COLEC12: variants seen among roughly 807,000 people sequenced by gnomAD.
The protein encoded by COLEC12 is collectin-12.
COLEC12 carries 33 observed loss-of-function variants against 71.1 expected under a neutral mutation model. The ratio of observed to expected loss-of-function variants is 0.46; its 90% confidence interval spans 0.35 to 0.62. The LOEUF is 0.62. COLEC12 is among the 20% of genes least tolerant of loss of function. The pLI, the probability that COLEC12 is intolerant of heterozygous loss-of-function variation, is 0.00. For missense variants in COLEC12, 765 were observed against 916.1 expected, an observed-to-expected ratio of 0.84 and a Z score of 2.13; for synonymous variants, 350 against 353.0, an observed-to-expected ratio of 0.99 and a Z score of 0.10.
intron 2 of COLEC12, among the ~76,000 whole-genome samples, chr18:420,178 C>A (rs911032843): frequency 2.6e-5 from 4 of 152,098 alleles, no homozygotes; most frequent in African/African-American, 7.2e-5. Context: ...TAATAATAAT[C>A]AATTGCTTTA....
At chr18:344,454 A>G (rs1312522948) in intron 5 of COLEC12, among the ~76,000 whole-genome samples, 1 of 152,204 alleles carries the variant, frequency 6.6e-6, no homozygotes, top group Non-Finnish European at 1.5e-5. Context: ...CCTTCCTCAC[A>G]GTACGTGGTT....
intron 2 of COLEC12, among the ~76,000 whole-genome samples, chr18:459,120 C>T (rs978894987): frequency 2.6e-5 from 4 of 152,134 alleles, no homozygotes; most frequent in East Asian, 1.9e-4. Context: ...CTTTAGCAGC[C>T]GGGATTACAT....
In COLEC12 at chr18:317,055, C is replaced by T. The variant is rs1913564862; in HGVS notation, c.*2990G>A. The T allele has an allele frequency of 6.6e-6, 1 of 152,170 alleles. No homozygotes were observed. The highest frequency in any genetic ancestry group is 6.5e-5 in the Admixed American group (1 of 15,280). The allele number at this position is 152,170 out of a possible 1,614,324, so 9.4% of individuals were successfully genotyped here. On this transcript the variant is annotated 3_prime_UTR_variant, in exon 10 of 10. Transcript: ENST00000400256. ...CCTGGCCAAAATGGCGAAACCGTGTCTCTACTAAAAACACAAAAATTAGCC... is the reference window on the plus strand; with the variant it reads ...CCTGGCCAAAATGGCGAAACCGTGTTTCTACTAAAAACACAAAAATTAGCC...
At chr18:466,717 T>A (rs147964842) in intron 2 of COLEC12, among the ~76,000 whole-genome samples, 1 of 152,126 alleles carries the variant, frequency 6.6e-6, no homozygotes, top group African/African-American at 2.4e-5. Context: ...ACAGACACCA[T>A]CTCTGTCCTC....
At chr18:467,001 T>C (rs2621198) in intron 2 of COLEC12, among the ~76,000 whole-genome samples, 29,928 of 152,182 alleles carry the variant, frequency 0.2, 3,561 homozygotes, top group Non-Finnish European at 0.27. Context: ...TCCACCCAAG[T>C]AGTCAGTAAG....
intron 2 of COLEC12, among the ~76,000 whole-genome samples, chr18:378,425 A>G (rs1167644642): frequency 6.6e-6 from 1 of 152,232 alleles, no homozygotes; most frequent in Non-Finnish European, 1.5e-5. Flanking sequence ...CGGCCAGGAC[A>G]TGGAGACTAT....
At chr18:434,012 A>G (rs1456995600) in intron 2 of COLEC12, among the ~76,000 whole-genome samples, 1 of 151,612 alleles carries the variant, frequency 6.6e-6, no homozygotes, top group Non-Finnish European at 1.5e-5. Flanking sequence ...AGCAGCTTAT[A>G]ATCTTCCAAA....
intron 2 of COLEC12, among the ~76,000 whole-genome samples, chr18:378,231 T>C (rs903895312): frequency 6.6e-6 from 1 of 151,908 alleles, no homozygotes. Flanking sequence ...TTGGCAGAAG[T>C]TTTCAACTGC....
chr18:456,702 G>A (rs1017978897), intron 2 of COLEC12, among the ~76,000 whole-genome samples: 2 of 152,230 alleles, frequency 1.3e-5, no homozygotes, highest in Non-Finnish European at 2.9e-5. Flanking sequence ...TCCAGAAGGC[G>A]TATTTTCTTC....
chr18:406,508 T>A (rs1246638254), intron 2 of COLEC12, among the ~76,000 whole-genome samples: 1 of 66,994 alleles, frequency 1.5e-5, no homozygotes, highest in Admixed American at 2.6e-4. Context: ...AGAGCGAGAC[T>A]CCGTCTCAAA....
chr18:355,037 A>G (rs984467590), intron 3 of COLEC12, among the ~76,000 whole-genome samples: 6 of 149,152 alleles, frequency 4.0e-5, no homozygotes, highest in African/African-American at 1.5e-4. Flanking sequence ...CAATCCATCA[A>G]TCCATCCATG....
In COLEC12 at chr18:498,226, A is replaced by G. The variant is rs114728721; in HGVS notation, c.7+2282T>C. Among the ~76,000 whole-genome samples, 622 of 152,288 alleles carry G rather than the reference A, an allele frequency of 4.1e-3. 2 individuals are homozygous for G. The highest frequency in any genetic ancestry group is 0.014 in the African/African-American group (599 of 41,556). On this transcript the variant is annotated intron_variant, in intron 1 of 9. Coordinates refer to ENST00000400256, the MANE Select transcript of COLEC12 (RefSeq NM_130386.3). Reference sequence around the variant, plus strand: ...GCAATGTGTTTGTAGTGTATATAGTACAGTGGCTGGCACTTAGTAGGTACT... The same window carrying G: ...GCAATGTGTTTGTAGTGTATATAGTGCAGTGGCTGGCACTTAGTAGGTACT...
chr18:459,313 CA>C (rs1598371430), intron 2 of COLEC12, among the ~76,000 whole-genome samples: 1 of 152,330 alleles, frequency 6.6e-6, no homozygotes, highest in East Asian at 1.9e-4. Context: ...ACTTACTGTC[CA>C]GTCAATGTCA....
intron 1 of COLEC12, among the ~76,000 whole-genome samples, chr18:496,811 G>A (rs1917721461): frequency 6.6e-6 from 1 of 152,194 alleles, no homozygotes; most frequent in South Asian, 2.1e-4. Context: ...GGTGGCAGCT[G>A]TTTTTGGTTG....
At chr18:356,035 A>G (rs1356020009) in intron 3 of COLEC12, among the ~76,000 whole-genome samples, 3 of 152,286 alleles carry the variant, frequency 2.0e-5, no homozygotes, top group Non-Finnish European at 4.4e-5. Context: ...AATGATGCAC[A>G]TTATTTTCCA....
chr18:434,255 C>T lies in COLEC12; in HGVS notation c.58+46452G>A, dbSNP rs532987317. Among the ~76,000 whole-genome samples, 17 of 152,258 alleles carry T rather than the reference C, an allele frequency of 1.1e-4. No individual in the cohort carries two copies. The South Asian group carries it at 3.1e-3, about 28-fold the overall frequency. Reference sequence around the variant, plus strand: ...TACGCTTTATACTTACAATAAAATACAGTAAGTGCATATGCCAACAATTAA... The same window carrying T: ...TACGCTTTATACTTACAATAAAATATAGTAAGTGCATATGCCAACAATTAA... On this transcript the variant is annotated intron_variant, in intron 2 of 9. Transcript: ENST00000400256.
intron 5 of COLEC12, among the ~76,000 whole-genome samples, chr18:342,502 T>C (rs1914279031): frequency 6.6e-6 from 1 of 152,252 alleles, no homozygotes; most frequent in Admixed American, 6.5e-5. Context: ...TCAGATTATT[T>C]TGAATCTTGC....
At chr18:336,176 C>T (rs114828962) in intron 5 of COLEC12, among the ~76,000 whole-genome samples, 183 of 152,330 alleles carry the variant, frequency 1.2e-3, no homozygotes, top group African/African-American at 4.2e-3. Context: ...CCCCAGCTGG[C>T]ATGCCTGTGC....
chr18:389,342 G>A (rs974840408), intron 2 of COLEC12, among the ~76,000 whole-genome samples: 4 of 149,686 alleles, frequency 2.7e-5, no homozygotes, highest in Non-Finnish European at 3.0e-5. Flanking sequence ...CAAGCTCTGC[G>A]ATCTCGGCTC....
Sources: gnomAD v4.1 joint callset for allele counts (sites outside exome capture counted in the v4.1 genomes callset) on GRCh38, gnomAD v4.1.1 for gene constraint, MANE v1.5 for transcripts, NCBI Gene and HGNC (gene_info 2026-07-23, HGNC 2026-07-21) for gene names.